KANK4: variants seen among roughly 807,000 people sequenced by gnomAD.
KANK4 encodes the protein KN motif and ankyrin repeat domain-containing protein 4.
Under a neutral mutation model 80.8 loss-of-function variants are expected in KANK4, and 50 were observed. The ratio of observed to expected loss-of-function variants is 0.62; its 90% CI spans 0.49 to 0.78. The LOEUF is 0.78. Among genes scored for constraint, KANK4 ranks in the 30% least tolerant of loss-of-function variants. KANK4 has a pLI of 0.00. For synonymous variants in KANK4, 465 were observed against 506.9 expected, an observed-to-expected ratio of 0.92 and a Z score of 1.11; for missense variants, 1,196 against 1,240.1, an observed-to-expected ratio of 0.96 and a Z score of 0.53.
chr1:62,284,747 G>A (rs1403622815), intron 1 of KANK4, among the ~76,000 whole-genome samples: 1 of 152,136 alleles, frequency 6.6e-6, no homozygotes, highest in Non-Finnish European at 1.5e-5. Context: ...CAGAGTTAGG[G>A]CCCAACCTCT....
chr1:62,300,882 G>C (rs184872591), intron 1 of KANK4, among the ~76,000 whole-genome samples: 18 of 152,202 alleles, frequency 1.2e-4, no homozygotes, highest in Middle Eastern at 3.4e-3. Flanking sequence ...AGTCTGGCCA[G>C]ACTTAATACC....
chr1:62,295,096 G>T (rs1644349899), intron 1 of KANK4, among the ~76,000 whole-genome samples: 1 of 152,088 alleles, frequency 6.6e-6, no homozygotes, highest in African/African-American at 2.4e-5. Context: ...GGGGCATTTG[G>T]AGCATAGCAT....
At chr1:62,304,999 A>T (rs1644439733) in intron 1 of KANK4, among the ~76,000 whole-genome samples, 1 of 150,928 alleles carries the variant, frequency 6.6e-6, no homozygotes, top group African/African-American at 2.4e-5. Flanking sequence ...TCCAAATGAA[A>T]GGGAATATTG....
rs116331058 is a variant in KANK4, at chr1:62,238,358, G to A, written c.2907C>T (p.Ile969=). The A allele has an allele frequency of 3.0e-4, 490 of 1,613,970 alleles. 2 individuals are homozygous for A. In the African/African-American group the frequency reaches 5.2e-3, roughly 17 times the overall value. ...CCATATGGGTGGGTGACTTCAGAGC[G>A]ATGGACAAAGCTGTGCGGCCAGCCT... ...TDKAGRTALS[I]ALKSPTHMEI... is the part of the protein sequence containing the mutation. The change falls in exon 10 of 10, where the codon ATC becomes ATT. Residue 969 remains isoleucine (I), a synonymous_variant. Transcript: ENST00000371153.
chr1:62,261,924 T>C (rs2765241), intron 7 of KANK4, among the ~76,000 whole-genome samples: 116,802 of 152,028 alleles, frequency 0.77, 44,975 homozygotes, highest in East Asian at 0.84. Context: ...GTTCCTAAAT[T>C]GCATTCTCTA....
chr1:62,246,963 G>A (rs865851465), intron 9 of KANK4, among the ~76,000 whole-genome samples: 5 of 152,010 alleles, frequency 3.3e-5, no homozygotes, highest in South Asian at 2.1e-4. Context: ...GTTTCATCAT[G>A]TTGGCCAGGC....
Position 62,300,155 on chromosome 1 carries a change from G to A in KANK4, c.-70-18521C>T, listed in dbSNP as rs75829160. On this transcript the variant is annotated intron_variant, in intron 1 of 9. Transcript: ENST00000371153. ...GCTCCAGTGGCTCCAGTCTCTCCAC[G>A]ACTGCTCAGAGAAAGAGACCACAAT... Among the ~76,000 whole-genome samples, 1,354 of 152,180 alleles carry A rather than the reference G, an allele frequency of 8.9e-3. 20 individuals are homozygous for A. Among genetic ancestry groups the A allele is most frequent in the Admixed American group, 0.014 (208 of 15,298 alleles).
At position 62,243,148 on chromosome 1, in the gene KANK4, T is replaced by C. The variant is rs12568460; in HGVS notation, c.2883+4324A>G. Among the ~76,000 whole-genome samples the C allele has an allele frequency of 3.9e-3, 595 of 152,224 alleles. 17 individuals are homozygous for C. The East Asian group carries it at 0.065, about 17-fold the overall frequency. ...ATGATAGATTTCCTCCTCCATTTCC[T>C]GATTGGCACTCCAGTCCCTCCCTTC... On this transcript the variant is annotated intron_variant, in intron 9 of 9. Coordinates refer to ENST00000371153, the MANE Select transcript of KANK4 (RefSeq NM_181712.5).
intron 1 of KANK4, among the ~76,000 whole-genome samples, chr1:62,308,732 G>A (rs115942954): frequency 0.011 from 1,710 of 152,202 alleles, 23 homozygotes; most frequent in African/African-American, 0.038. Context: ...AGGGAACACC[G>A]AGGGCACCTC....
Position 62,274,045 on chromosome 1 carries a change from C to G in KANK4, c.1059G>C (p.Glu353Asp), listed in dbSNP as rs1478711022. The G allele has an allele frequency of 1.9e-6, 3 of 1,614,106 alleles. No individual in the cohort carries two copies. The Admixed American group carries it at 5.0e-5, about 27-fold the overall frequency. ...CCTCGGTTCTTCCAGACAACTCTCC[C>G]TCCAGGGCCGAGACCTGCTGTTTCA... ...SSLKQQVSAL[E>D]GELSGRTEEL... Residue 353 changes from glutamate to aspartate, a missense_variant, in exon 3 of 10, where the codon GAG becomes GAC. By Grantham distance (45) the Glu-to-Asp change is conservative. Coordinates refer to ENST00000371153, the MANE Select transcript of KANK4 (RefSeq NM_181712.5).
intron 1 of KANK4, among the ~76,000 whole-genome samples, chr1:62,316,041 C>T (rs1644537489): frequency 6.6e-6 from 1 of 152,230 alleles, no homozygotes. Flanking sequence ...CAGGCAAGAG[C>T]TCTGGTAGCA....
At chr1:62,312,319 T>C (rs577973493) in intron 1 of KANK4, among the ~76,000 whole-genome samples, 131 of 152,292 alleles carry the variant, frequency 8.6e-4, no homozygotes, top group African/African-American at 3.0e-3. Context: ...GTGGTGACAA[T>C]GTCACAGGGA....
chr1:62,263,618 T>G (rs1326577440), intron 6 of KANK4, among the ~76,000 whole-genome samples: 1 of 152,188 alleles, frequency 6.6e-6, no homozygotes, highest in East Asian at 1.9e-4. Context: ...CAGTAAGAAG[T>G]TTAGCTCAAA....
intron 2 of KANK4, among the ~76,000 whole-genome samples, chr1:62,275,681 A>G (rs577968587): frequency 5.3e-5 from 8 of 152,198 alleles, no homozygotes; most frequent in Non-Finnish European, 1.2e-4. Context: ...CAGATCAGAG[A>G]GAGCTGGAAC....
intron 1 of KANK4, among the ~76,000 whole-genome samples, chr1:62,288,158 A>G (rs1672609122): frequency 2.0e-5 from 3 of 152,212 alleles, no homozygotes; most frequent in Admixed American, 2.0e-4. Flanking sequence ...CAAGCCACAC[A>G]GACCATCTCC....
In KANK4 at chr1:62,238,284, C is replaced by A; in HGVS notation, c.2981G>T (p.Gly994Val). The A allele has an allele frequency of 6.2e-7, 1 of 1,612,990 alleles. No individual in the cohort carries two copies. Among genetic ancestry groups the A allele is most frequent in the Non-Finnish European group, 8.5e-7 (1 of 1,179,086 alleles). The change falls in exon 10 of 10, where the codon GGG becomes GTG. Residue 994 changes from glycine (G) to valine (V), a missense_variant. Physicochemically the swap from Gly to Val is moderately radical, Grantham distance 109 (BLOSUM62 -3). Coordinates refer to ENST00000371153, the MANE Select transcript of KANK4 (RefSeq NM_181712.5). Reference protein sequence around the residue: ...RAHAEQGRSLGL With the variant: ...RAHAEQGRSLVL ...CCAGTTCTTCTGCAGCCCCTACAGC[C>A]CCAGGGACCTGCCCTGCTCCGCGTG...
chr1:62,308,982 G>A lies in KANK4; in HGVS notation c.-71+10124C>T, dbSNP rs116518966. Among the ~76,000 whole-genome samples, 458 of 152,246 alleles carry A rather than the reference G, an allele frequency of 3.0e-3. 2 individuals carry two copies. The highest frequency in any genetic ancestry group is 0.01 in the African/African-American group (423 of 41,540). On this transcript the variant is annotated intron_variant, in intron 1 of 9. Transcript: ENST00000371153. ...CAGAACCTCCCTTGGGGCTCCCAGG[G>A]GCTTTCAATCCTCACCTCCAGGATA... is the stretch of plus-strand genomic sequence containing the variant.
At chr1:62,318,743 T>G (rs963260847) in intron 1 of KANK4, among the ~76,000 whole-genome samples, 1 of 152,182 alleles carries the variant, frequency 6.6e-6, no homozygotes, top group Non-Finnish European at 1.5e-5. Flanking sequence ...CTGCACCACC[T>G]GAGTCGCAAG....
Position 62,238,130 on chromosome 1 carries a change from A to G in KANK4, c.*147T>C. 1.7e-6 allele frequency: 1 copy of G among 591,226 alleles called. No homozygotes were observed. The highest frequency in any genetic ancestry group is 2.5e-5 in the South Asian group (1 of 39,360). 36.6% of individuals were successfully genotyped at this position (591,226 alleles called of 1,614,324 possible). A position where few individuals can be genotyped will look rare whatever the true frequency, so the allele number is the denominator to read the frequency against. ...ACAAAGCATCCTAATGAGCAGAATT[A>G]TACAACAGGAATGTATGTGCATATT... On this transcript the variant is annotated 3_prime_UTR_variant, in exon 10 of 10. Coordinates refer to ENST00000371153, the MANE Select transcript of KANK4 (RefSeq NM_181712.5).
Sources: allele counts gnomAD v4.1 joint callset (sites outside exome capture counted in the v4.1 genomes callset), GRCh38; gene constraint gnomAD v4.1.1; transcripts MANE v1.5; gene names NCBI Gene and HGNC (gene_info 2026-07-23, HGNC 2026-07-21).